The following DCC variants were observed in gnomAD, a reference collection of about 807,000 sequenced individuals.
DCC encodes netrin receptor DCC.
Under a neutral mutation model 172.5 loss-of-function variants are expected in DCC, and 58 were observed. The observed-to-expected ratio is 0.34, with a 90% CI of 0.27 to 0.42. The LOEUF (loss-of-function observed/expected upper bound fraction) is 0.42. Among genes scored for constraint, DCC ranks in the 10% least tolerant of loss-of-function variants. The pLI, the probability that DCC is intolerant of heterozygous loss-of-function variation, is 1.00. For missense variants in DCC, 1,740 were observed against 1,791.0 expected (o/e 0.97, Z 0.51); for synonymous variants, 709 against 644.5 (o/e 1.10, Z -1.52).
At chr18:52,571,924 C>T (rs988826526) in intron 1 of DCC, among the ~76,000 whole-genome samples, 3 of 152,072 alleles carry the variant, frequency 2.0e-5, no homozygotes, top group Non-Finnish European at 2.9e-5. Context: ...AAGTGGCATG[C>T]GCTGAGTTTG....
chr18:53,500,599 G>A (rs1258033399), intron 27 of DCC, among the ~76,000 whole-genome samples: 1 of 151,590 alleles, frequency 6.6e-6, no homozygotes, highest in Non-Finnish European at 1.5e-5. Flanking sequence ...AATGTATCTA[G>A]TTGCTGGGAT....
At chr18:52,908,682 G>T (rs1468380579) in intron 3 of DCC, among the ~76,000 whole-genome samples, 2 of 152,078 alleles carry the variant, frequency 1.3e-5, no homozygotes, top group Non-Finnish European at 2.9e-5. Context: ...ACAGCCATTT[G>T]CATTGTAAAC....
intron 22 of DCC, among the ~76,000 whole-genome samples, chr18:53,437,138 G>C (rs1398660136): frequency 6.6e-6 from 1 of 152,080 alleles, no homozygotes; most frequent in Non-Finnish European, 1.5e-5. Flanking sequence ...CTCTTTCCAG[G>C]CTACTCACAA....
intron 2 of DCC, among the ~76,000 whole-genome samples, chr18:52,789,134 C>G (rs940331858): frequency 6.6e-6 from 1 of 152,088 alleles, no homozygotes; most frequent in African/African-American, 2.4e-5. Flanking sequence ...TATCATGATG[C>G]GAGGTAATTT....
rs186872391 is a variant in DCC, at chr18:52,691,177, G to C, written c.92-60877G>C. Among the ~76,000 whole-genome samples the C allele has an allele frequency of 2.2e-3, 329 of 152,268 alleles. 2 individuals carry two copies. The highest frequency in any genetic ancestry group is 3.7e-3 in the Non-Finnish European group (249 of 68,016). ...TGTTGTTGCCCATAGACTCATACCT[G>C]AGAGTTGGCTAGATACATTTAAGAG... On this transcript the variant is annotated intron_variant, in intron 1 of 28. Transcript: ENST00000442544.
chr18:52,881,957 A>T (rs968024023), intron 2 of DCC, among the ~76,000 whole-genome samples: 1 of 151,926 alleles, frequency 6.6e-6, no homozygotes, highest in Non-Finnish European at 1.5e-5. Context: ...CTATTTTTGT[A>T]TGTCTTCTTT....
chr18:53,348,448 G>A (rs1244868376), intron 15 of DCC, among the ~76,000 whole-genome samples: 5 of 152,176 alleles, frequency 3.3e-5, no homozygotes, highest in African/African-American at 4.8e-5. Flanking sequence ...TTTATAGGCT[G>A]GCATTGAGTG....
chr18:53,274,884 G>T lies in DCC; in HGVS notation c.1912-30694G>T, dbSNP rs146619277. On this transcript the variant is annotated intron_variant, in intron 12 of 28. Coordinates refer to ENST00000442544, the MANE Select transcript of DCC (RefSeq NM_005215.4). ...TGAATCCAAATCTGCATTTAACAAG[G>T]TTCCCTAGGTGATTCTTCTGCATAT... Among the ~76,000 whole-genome samples, 1,131 of 152,152 alleles carry T rather than the reference G, an allele frequency of 7.4e-3. 10 individuals carry two copies. The highest frequency in any genetic ancestry group is 0.018 in the African/African-American group (747 of 41,516).
chr18:53,507,155 A>G (rs924034506), intron 27 of DCC, among the ~76,000 whole-genome samples: 1 of 149,950 alleles, frequency 6.7e-6, no homozygotes, highest in Non-Finnish European at 1.5e-5. Flanking sequence ...CATGGTATAC[A>G]TTTTAAGTAT....
chr18:52,713,367 C>G (rs576851888), intron 1 of DCC, among the ~76,000 whole-genome samples: 4 of 152,270 alleles, frequency 2.6e-5, no homozygotes, highest in East Asian at 3.9e-4. Context: ...GTGACCTGTT[C>G]AAAACTGAAC....
At chr18:52,702,910 A>G (rs1005748478) in intron 1 of DCC, among the ~76,000 whole-genome samples, 1 of 152,060 alleles carries the variant, frequency 6.6e-6, no homozygotes, top group African/African-American at 2.4e-5. Flanking sequence ...TTCGGCTCCT[A>G]TTTCCCATAA....
chr18:53,132,126 G>A (rs12607872), intron 7 of DCC, among the ~76,000 whole-genome samples: 46,773 of 151,398 alleles, frequency 0.31, 8,975 homozygotes, highest in East Asian at 0.58. Flanking sequence ...ATCTTTGAAG[G>A]CATAATCACC....
intron 1 of DCC, among the ~76,000 whole-genome samples, chr18:52,617,645 G>A (rs959651869): frequency 6.6e-6 from 1 of 152,134 alleles, no homozygotes; most frequent in African/African-American, 2.4e-5. Flanking sequence ...ATTTGGAAGG[G>A]AAGAAGTGGA....
chr18:52,343,863 G>C (rs944648713), intron 1 of DCC, among the ~76,000 whole-genome samples: 2 of 152,210 alleles, frequency 1.3e-5, no homozygotes, highest in Non-Finnish European at 2.9e-5. Flanking sequence ...GTTTGCTTTT[G>C]AGTGGCGGGA....
chr18:52,919,850 C>T (rs1296773435), intron 3 of DCC, among the ~76,000 whole-genome samples: 4 of 152,086 alleles, frequency 2.6e-5, no homozygotes, highest in Non-Finnish European at 5.9e-5. Context: ...AAAGTTACAA[C>T]AGTCAAGATA....
intron 12 of DCC, among the ~76,000 whole-genome samples, chr18:53,241,423 G>A (rs1404991558): frequency 1.3e-5 from 2 of 152,124 alleles, no homozygotes; most frequent in Non-Finnish European, 2.9e-5. Flanking sequence ...CCTGTGGAGG[G>A]TCAAGTGGAC....
chr18:53,178,873 T>C (rs1568349179), intron 8 of DCC, 89 bp from the exon 9 acceptor site: 9 of 1,413,906 alleles, frequency 6.4e-6, no homozygotes, highest in African/African-American at 1.4e-5. Context: ...ACCTTTTGGT[T>C]CACCTCACTA....
At chr18:53,485,277 T>A (rs1316314774) in intron 25 of DCC, among the ~76,000 whole-genome samples, 1 of 152,062 alleles carries the variant, frequency 6.6e-6, no homozygotes, top group African/African-American at 2.4e-5. Flanking sequence ...ATATACACAA[T>A]AACATGTATT....
At position 53,074,489 on chromosome 18, in the gene DCC, A is replaced by G. The variant is rs570010199; in HGVS notation, c.1261+8323A>G. On this transcript the variant is annotated intron_variant, in intron 7 of 28. Transcript: ENST00000442544. ...GCCTTGGTAATTAATTGTAGCTAAGAAGATACAGAGCCAAGTTTTTTCAAA... is the reference window on the plus strand; with the variant it reads ...GCCTTGGTAATTAATTGTAGCTAAGGAGATACAGAGCCAAGTTTTTTCAAA... Among the ~76,000 whole-genome samples the G allele has an allele frequency of 1.2e-3, 182 of 152,346 alleles. 1 individual carries two copies. Among genetic ancestry groups the G allele is most frequent in the African/African-American group, 4.3e-3 (177 of 41,598 alleles).
Sources: gnomAD v4.1 joint callset for allele counts (sites outside exome capture counted in the v4.1 genomes callset) on GRCh38, gnomAD v4.1.1 for gene constraint, MANE v1.5 for transcripts, NCBI Gene and HGNC (gene_info 2026-07-23, HGNC 2026-07-21) for gene names.